The following EYS variants were observed in gnomAD, a reference collection of about 807,000 sequenced individuals.
EYS encodes the protein protein eyes shut homolog.
EYS carries 250 observed loss-of-function variants against 282.1 expected under a neutral mutation model. The ratio of observed to expected loss-of-function variants is 0.89; its 90% CI spans 0.80 to 0.98. The LOEUF (loss-of-function observed/expected upper bound fraction) is 0.98, where lower values mean the gene tolerates loss of function less well. Among genes scored for constraint, EYS ranks in the 50% least tolerant of loss-of-function variants. The pLI is 0.00. For missense variants in EYS, 4,016 were observed against 3,709.0 expected, an observed-to-expected ratio of 1.08 and a Z score of -2.15; for synonymous variants, 1,355 against 1,282.9, an observed-to-expected ratio of 1.06 and a Z score of -1.20.
In EYS at chr6:64,304,008, G is replaced by A. The variant is rs1438524560; in HGVS notation, c.6191+2962C>T. Among the ~76,000 whole-genome samples, 4 of 152,178 alleles carry A rather than the reference G, an allele frequency of 2.6e-5. No homozygotes were observed. The East Asian group carries it at 7.7e-4, about 29-fold the overall frequency. ...TAAGACCAACTTTTGATCATCGTGGGTGAATGATTGCTCTCTACTCAGGGG... is the reference window on the plus strand; with the variant it reads ...TAAGACCAACTTTTGATCATCGTGGATGAATGATTGCTCTCTACTCAGGGG... On this transcript the variant is annotated intron_variant, in intron 30 of 42. Coordinates refer to ENST00000503581, the MANE Select transcript of EYS (RefSeq NM_001142800.2).
chr6:64,524,209 T>A (rs961819102), intron 26 of EYS, among the ~76,000 whole-genome samples: 4 of 151,734 alleles, frequency 2.6e-5, no homozygotes, highest in African/African-American at 9.7e-5. Flanking sequence ...TATATAGATA[T>A]ATTTTTTTGC....
At chr6:64,074,134 T>A (rs561988051) in intron 32 of EYS, among the ~76,000 whole-genome samples, 2 of 151,790 alleles carry the variant, frequency 1.3e-5, no homozygotes, top group Non-Finnish European at 3.0e-5. Flanking sequence ...TTATAAAATC[T>A]CTAGTTCTCA....
In EYS at chr6:64,366,190, A is replaced by G. The variant is rs547141216; in HGVS notation, c.6078+22500T>C. On this transcript the variant is annotated intron_variant, in intron 29 of 42. Transcript: ENST00000503581. ...CCCGTTAATATTGGTTGACTCAGTGACAGCATTATGAAAGTAACAGAGGTA... is the reference window on the plus strand; with the variant it reads ...CCCGTTAATATTGGTTGACTCAGTGGCAGCATTATGAAAGTAACAGAGGTA... Among the ~76,000 whole-genome samples the G allele has an allele frequency of 5.9e-5, 9 of 152,158 alleles. No homozygotes were observed. The South Asian group carries it at 1.9e-3, about 32-fold the overall frequency.
intron 30 of EYS, among the ~76,000 whole-genome samples, chr6:64,303,205 T>G (rs746623173): frequency 6.4e-4 from 97 of 152,178 alleles, no homozygotes; most frequent in Non-Finnish European, 1.1e-3. Context: ...TGCAACTGCT[T>G]GGCCAAGAGA....
intron 12 of EYS, among the ~76,000 whole-genome samples, chr6:65,199,181 A>G (rs547339445): frequency 6.6e-6 from 1 of 152,280 alleles, no homozygotes; most frequent in South Asian, 2.1e-4. Context: ...CAATTTTATC[A>G]GAATCCTCAG....
intron 9 of EYS, 94 bp downstream of exon 9, chr6:65,353,364 T>C (rs962978092): frequency 2.9e-6 from 3 of 1,044,742 alleles, no homozygotes; most frequent in Admixed American, 1.9e-5. Context: ...CGTTTTGAGA[T>C]ATAAAATACT....
chr6:64,006,806 A>ATATGTT (rs1412076402), intron 33 of EYS, among the ~76,000 whole-genome samples: 4 of 151,998 alleles, frequency 2.6e-5, no homozygotes, highest in Admixed American at 2.6e-4. Context: ...ATTGATTTGC[A>ATATGTT]TATGTTTATG....
intron 31 of EYS, among the ~76,000 whole-genome samples, chr6:64,122,673 G>A (rs1308150237): frequency 6.6e-6 from 1 of 152,020 alleles, no homozygotes; most frequent in Non-Finnish European, 1.5e-5. Flanking sequence ...TTAAAAAAAT[G>A]AAATAATATT....
chr6:65,115,245 A>C (rs541015759), intron 12 of EYS, among the ~76,000 whole-genome samples: 2 of 152,226 alleles, frequency 1.3e-5, no homozygotes, highest in Admixed American at 1.3e-4. Context: ...ATAAAAACAA[A>C]AAATTTTATA....
At chr6:64,822,972 G>C in intron 19 of EYS, 150 bp from the exon 20 acceptor site, 4 of 626,674 alleles carry the variant, frequency 6.4e-6, no homozygotes, top group Non-Finnish European at 1.1e-5. Flanking sequence ...TATATTTCAA[G>C]GTTAAATATA....
At chr6:65,650,295 AAC>A (rs938110710) in intron 1 of EYS, among the ~76,000 whole-genome samples, 3 of 152,188 alleles carry the variant, frequency 2.0e-5, no homozygotes, top group African/African-American at 7.2e-5. Context: ...CTTCCAACTC[AAC>A]ACACAATGCT....
intron 41 of EYS, among the ~76,000 whole-genome samples, chr6:63,754,020 T>C (rs947340068): frequency 6.6e-6 from 1 of 152,190 alleles, no homozygotes; most frequent in African/African-American, 2.4e-5. Flanking sequence ...ATAATGCATT[T>C]ATCATGTCAC....
intron 2 of EYS, among the ~76,000 whole-genome samples, chr6:65,604,668 G>A (rs914435098): frequency 6.6e-6 from 1 of 151,942 alleles, no homozygotes; most frequent in Non-Finnish European, 1.5e-5. Flanking sequence ...GCGAAAGTAC[G>A]CTGATTCCTG....
chr6:65,104,734 T>A (rs903199743), intron 12 of EYS, among the ~76,000 whole-genome samples: 2 of 151,562 alleles, frequency 1.3e-5, no homozygotes, highest in African/African-American at 4.8e-5. Context: ...CAAAATCTTA[T>A]AAAAATTATG....
chr6:64,962,908 G>T (rs948230620), intron 14 of EYS, among the ~76,000 whole-genome samples: 2 of 152,086 alleles, frequency 1.3e-5, no homozygotes, highest in Admixed American at 6.6e-5. Flanking sequence ...TGATTAGCTC[G>T]ATGAGGCTTA....
At chr6:64,286,716 AAAAG>A (rs1768515975) in intron 30 of EYS, among the ~76,000 whole-genome samples, 1 of 152,188 alleles carries the variant, frequency 6.6e-6, no homozygotes, top group Non-Finnish European at 1.5e-5. Flanking sequence ...GTGTAAAAGA[AAAAG>A]AAAAGCTTAA....
intron 2 of EYS, among the ~76,000 whole-genome samples, chr6:65,593,429 T>C (rs1400039743): frequency 6.6e-6 from 1 of 152,062 alleles, no homozygotes; most frequent in Non-Finnish European, 1.5e-5. Context: ...TGAAAATCAA[T>C]GCCTTAGGGC....
At chr6:64,424,010 A>G (rs1471542907) in intron 28 of EYS, among the ~76,000 whole-genome samples, 1 of 152,138 alleles carries the variant, frequency 6.6e-6, no homozygotes, top group African/African-American at 2.4e-5. Flanking sequence ...TTCCCTTTTA[A>G]ATGCTATCCT....
intron 41 of EYS, among the ~76,000 whole-genome samples, chr6:63,738,729 A>C (rs183139687): frequency 3.1e-4 from 47 of 152,234 alleles, no homozygotes; most frequent in African/African-American, 9.9e-4. Context: ...CTAAAACTTA[A>C]AGTATAATTA....
Sources: allele counts gnomAD v4.1 joint callset (sites outside exome capture counted in the v4.1 genomes callset), GRCh38; gene constraint gnomAD v4.1.1; transcripts MANE v1.5; gene names NCBI Gene and HGNC (gene_info 2026-07-23, HGNC 2026-07-21).